SLC35F1: variants seen among roughly 807,000 people sequenced by gnomAD.
SLC35F1 encodes the protein solute carrier family 35 member F1, also known as chromosome 6 open reading frame 169.
Under a neutral mutation model 48.7 loss-of-function variants are expected in SLC35F1, and 14 were observed. The ratio of observed to expected loss-of-function variants is 0.29; its 90% CI spans 0.19 to 0.45. SLC35F1 has a LOEUF of 0.45. SLC35F1 is among the 20% of genes least tolerant of loss of function. SLC35F1 has a pLI of 1.00. For missense variants in SLC35F1, 404 were observed against 500.0 expected (o/e 0.81, Z 1.83); for synonymous variants, 190 against 202.2 (o/e 0.94, Z 0.51).
intron 1 of SLC35F1, among the ~76,000 whole-genome samples, chr6:117,921,352 G>T (rs73517525): frequency 0.072 from 10,918 of 152,216 alleles, 1,317 homozygotes; most frequent in African/African-American, 0.25. Context: ...CCCCGTAAGG[G>T]GTTTCCCCCC....
intron 3 of SLC35F1, among the ~76,000 whole-genome samples, chr6:118,251,283 G>C (rs1446170212): frequency 6.6e-6 from 1 of 152,098 alleles, no homozygotes; most frequent in Non-Finnish European, 1.5e-5. Flanking sequence ...TTAAGGAATG[G>C]CTTCAGCATT....
chr6:117,932,243 G>C (rs11759198), intron 1 of SLC35F1, among the ~76,000 whole-genome samples: 68,882 of 152,110 alleles, frequency 0.45, 18,598 homozygotes, highest in South Asian at 0.73. Flanking sequence ...CCAGAACTGT[G>C]AGAAATACAT....
chr6:117,915,502 G>A (rs1775815344), intron 1 of SLC35F1, among the ~76,000 whole-genome samples: 1 of 152,114 alleles, frequency 6.6e-6, no homozygotes, highest in South Asian at 2.1e-4. Context: ...ATATGTGCAG[G>A]GAGAGGGAGG....
chr6:118,082,361 T>A (rs549776760), intron 1 of SLC35F1, among the ~76,000 whole-genome samples: 1 of 152,320 alleles, frequency 6.6e-6, no homozygotes, highest in South Asian at 2.1e-4. Flanking sequence ...TGATAACTAG[T>A]GACAGAATGA....
intron 3 of SLC35F1, among the ~76,000 whole-genome samples, chr6:118,265,666 G>A (rs1775764665): frequency 6.6e-6 from 1 of 152,156 alleles, no homozygotes; most frequent in East Asian, 1.9e-4. Context: ...GGGAGAGGGT[G>A]GCATGAGTAG....
chr6:117,934,515 G>T (rs746428814), intron 1 of SLC35F1, among the ~76,000 whole-genome samples: 2 of 152,062 alleles, frequency 1.3e-5, no homozygotes, highest in Admixed American at 6.5e-5. Flanking sequence ...TTTGCACAAC[G>T]TATTTTAAAA....
At chr6:117,923,605 A>ATATG (rs1775935782) in intron 1 of SLC35F1, among the ~76,000 whole-genome samples, 2 of 23,214 alleles carry the variant, frequency 8.6e-5, no homozygotes, top group Non-Finnish European at 1.5e-4. Flanking sequence ...ATGTGTATAT[A>ATATG]TACATATACA....
intron 1 of SLC35F1, among the ~76,000 whole-genome samples, chr6:118,110,280 A>G (rs1056677263): frequency 6.6e-6 from 1 of 152,208 alleles, no homozygotes; most frequent in African/African-American, 2.4e-5. Context: ...GCTGCCCTGA[A>G]AAATGGAGAA....
At chr6:117,927,932 C>T (rs1015314010) in intron 1 of SLC35F1, among the ~76,000 whole-genome samples, 73 of 152,204 alleles carry the variant, frequency 4.8e-4, no homozygotes, top group Admixed American at 1.3e-3. Flanking sequence ...ATAGATTTCT[C>T]GAGCCAGAGT....
At chr6:118,177,878 C>T (rs951289181) in intron 2 of SLC35F1, among the ~76,000 whole-genome samples, 3 of 151,982 alleles carry the variant, frequency 2.0e-5, no homozygotes, top group Non-Finnish European at 4.4e-5. Flanking sequence ...ATGTAGAACA[C>T]GCTGATTTTT....
At chr6:118,241,681 TC>T (rs1342779912) in intron 3 of SLC35F1, among the ~76,000 whole-genome samples, 61 of 152,170 alleles carry the variant, frequency 4.0e-4, no homozygotes, top group African/African-American at 1.4e-3. Flanking sequence ...TACAGAATTA[TC>T]CCATCACCAC....
chr6:118,096,457 T>A (rs997171559), intron 1 of SLC35F1, among the ~76,000 whole-genome samples: 8 of 152,218 alleles, frequency 5.3e-5, no homozygotes, highest in Non-Finnish European at 1.2e-4. Context: ...AGGCGATGAA[T>A]AAATAATCAT....
intron 1 of SLC35F1, among the ~76,000 whole-genome samples, chr6:117,949,784 C>T (rs1776339605): frequency 6.6e-6 from 1 of 151,938 alleles, no homozygotes; most frequent in Non-Finnish European, 1.5e-5. Context: ...GGCATGGGAC[C>T]AGGAAGTTGG....
chr6:118,068,202 C>T (rs898893574), intron 1 of SLC35F1, among the ~76,000 whole-genome samples: 7 of 152,136 alleles, frequency 4.6e-5, no homozygotes, highest in African/African-American at 1.7e-4. Context: ...CACTCAGTCC[C>T]CAGACTCACC....
At chr6:118,231,153 T>C (rs1236389705) in intron 2 of SLC35F1, among the ~76,000 whole-genome samples, 6 of 152,208 alleles carry the variant, frequency 3.9e-5, no homozygotes, top group Admixed American at 3.9e-4. Context: ...ACTGTTAACA[T>C]TTATTAAATC....
rs561453264 is a variant in SLC35F1, at chr6:118,314,257, A to T, written c.*5A>T. On this transcript the variant is annotated 3_prime_UTR_variant, in exon 8 of 8. Transcript: ENST00000360388. ...CCTCATGTTCGTGTGGCCTAGGGTG[A>T]GGCCCGCCCTGCCAACTGAGGCCAA... The T allele has an allele frequency of 1.2e-6, 2 of 1,613,806 alleles. No homozygotes were observed. The highest frequency in any genetic ancestry group is 1.1e-5 in the South Asian group (1 of 91,062).
intron 1 of SLC35F1, among the ~76,000 whole-genome samples, chr6:118,081,526 T>C (rs1562284030): frequency 6.6e-6 from 1 of 152,024 alleles, no homozygotes; most frequent in Non-Finnish European, 1.5e-5. Flanking sequence ...TCCCAGCTAC[T>C]CAAGAGGCTG....
chr6:118,120,685 C>G (rs1353690492), intron 1 of SLC35F1, among the ~76,000 whole-genome samples: 3 of 152,000 alleles, frequency 2.0e-5, no homozygotes, highest in Non-Finnish European at 4.4e-5. Context: ...AAGTAAAGAC[C>G]TGAATGGACA....
intron 1 of SLC35F1, among the ~76,000 whole-genome samples, chr6:118,019,988 A>G (rs4373391): frequency 0.65 from 98,498 of 152,056 alleles, 34,155 homozygotes; most frequent in South Asian, 0.81. Context: ...AATGTAGTTT[A>G]TGTAATACTT....
Sources: gnomAD v4.1 joint callset for allele counts (sites outside exome capture counted in the v4.1 genomes callset) on GRCh38, gnomAD v4.1.1 for gene constraint, MANE v1.5 for transcripts, NCBI Gene and HGNC (gene_info 2026-07-23, HGNC 2026-07-21) for gene names.